The following SRRM4 variants were observed in gnomAD, a reference collection of about 807,000 sequenced individuals.
The protein encoded by SRRM4 is serine/arginine repetitive matrix protein 4.
Under a neutral mutation model 68.9 loss-of-function variants are expected in SRRM4, and 33 were observed. The observed-to-expected ratio is 0.48, with a 90% CI of 0.36 to 0.64. The LOEUF (loss-of-function observed/expected upper bound fraction) is 0.64. SRRM4 is among the 30% of genes least tolerant of loss of function. The pLI is 0.00. For synonymous variants in SRRM4, 318 were observed against 318.8 expected (o/e 1.00, Z 0.03); for missense variants, 817 against 827.1 (o/e 0.99, Z 0.15).
intron 1 of SRRM4, among the ~76,000 whole-genome samples, chr12:119,012,676 C>T (rs1163580250): frequency 1.3e-5 from 2 of 152,212 alleles, no homozygotes; most frequent in African/African-American, 2.4e-5. Flanking sequence ...ATTCTTCCTT[C>T]AGCCACATGT....
In SRRM4 at chr12:119,154,034, GC is replaced by G. The variant is rs11344766; in HGVS notation, c.1392-206del. On this transcript the variant is annotated intron_variant, in intron 11 of 12. Coordinates refer to ENST00000267260, the MANE Select transcript of SRRM4 (RefSeq NM_194286.4). The surrounding 1 kb of genome is among the most constrained non-coding windows in gnomAD (Gnocchi z 4.7). ...TGCAAATGCTGACACCCCTGCACAA[GC>G]CCAGCCCCCACCCCTACGGTACTAA... 0.034 allele frequency among the ~76,000 whole-genome samples: 5,035 copies of G among 149,988 alleles called. 162 individuals carry two copies. Among genetic ancestry groups the G allele is most frequent in the East Asian group, 0.075 (358 of 4,800 alleles).
intron 1 of SRRM4, among the ~76,000 whole-genome samples, chr12:119,059,787 G>T (rs984843813): frequency 5.9e-5 from 9 of 152,156 alleles, no homozygotes; most frequent in Non-Finnish European, 1.0e-4. Flanking sequence ...TTTCTACCAA[G>T]AAATTTTTAT....
chr12:119,061,541 C>A (rs1953812428), intron 1 of SRRM4, among the ~76,000 whole-genome samples: 1 of 152,130 alleles, frequency 6.6e-6, no homozygotes, highest in South Asian at 2.1e-4. Context: ...CTCACTTTTA[C>A]GGAATGCGTG....
At chr12:119,079,765 C>A (rs757048938) in intron 1 of SRRM4, among the ~76,000 whole-genome samples, 5 of 152,134 alleles carry the variant, frequency 3.3e-5, no homozygotes, top group African/African-American at 7.2e-5. Flanking sequence ...TATGCCCGAT[C>A]CTTTCCACCC....
intron 1 of SRRM4, among the ~76,000 whole-genome samples, chr12:118,996,380 C>A (rs1953349724): frequency 1.3e-5 from 2 of 152,094 alleles, no homozygotes; most frequent in Admixed American, 1.3e-4. Context: ...CCCTTTTTCA[C>A]TTGTGCAAAA....
intron 1 of SRRM4, chr12:119,001,384 T>C (rs747665359): frequency 8.5e-5 from 13 of 152,238 alleles, no homozygotes; most frequent in African/African-American, 1.2e-4. Context: ...TCTCGTAGCA[T>C]GTCTGAGTGG....
chr12:119,002,208 C>T (rs1341920967), intron 1 of SRRM4, among the ~76,000 whole-genome samples: 1 of 150,740 alleles, frequency 6.6e-6, no homozygotes, highest in Non-Finnish European at 1.5e-5. Flanking sequence ...ATGCTGATTG[C>T]GAAAAGAAAA....
At chr12:119,048,408 C>CT (rs1953721005) in intron 1 of SRRM4, among the ~76,000 whole-genome samples, 1 of 152,154 alleles carries the variant, frequency 6.6e-6, no homozygotes, top group South Asian at 2.1e-4. Flanking sequence ...GGTGAAGGAG[C>CT]TAGATAACAC....
intron 1 of SRRM4, among the ~76,000 whole-genome samples, chr12:119,058,948 G>A (rs571422469): frequency 2.2e-4 from 34 of 152,202 alleles, no homozygotes; most frequent in Middle Eastern, 3.4e-3. Flanking sequence ...CACCCCACCC[G>A]CAGCAGAGCC....
intron 1 of SRRM4, among the ~76,000 whole-genome samples, chr12:119,039,237 A>G (rs1953649554): frequency 1.3e-5 from 2 of 152,198 alleles, no homozygotes; most frequent in Non-Finnish European, 2.9e-5. Flanking sequence ...GTGACGTTGC[A>G]GTCAGGGTTG....
intron 2 of SRRM4, among the ~76,000 whole-genome samples, chr12:119,113,524 G>A (rs1261413399): frequency 2.0e-5 from 3 of 152,214 alleles, no homozygotes; most frequent in Admixed American, 6.5e-5. Context: ...TGCTAGTTGT[G>A]TCACTGCTGA....
chr12:118,994,296 T>C (rs1231851705), intron 1 of SRRM4: 1 of 152,186 alleles, frequency 6.6e-6, no homozygotes, highest in Admixed American at 6.5e-5. Flanking sequence ...ACTCTCAAAC[T>C]GTCCCCACGT....
chr12:119,123,451 G>A (rs1170131516), intron 6 of SRRM4, among the ~76,000 whole-genome samples: 5 of 152,034 alleles, frequency 3.3e-5, no homozygotes, highest in African/African-American at 1.2e-4. Context: ...GGGCCCCAGG[G>A]TAGGCAGCCA....
In SRRM4 at chr12:119,019,954, C is replaced by T. The variant is rs372271041; in HGVS notation, c.131+37941C>T. ...CTCTGGACAGTTCCCCCCGCTCCCC[C>T]CCCCCCCAAAAAAAAATCACACACA... is the stretch of plus-strand genomic sequence containing the variant. On this transcript the variant is annotated intron_variant, in intron 1 of 12. Transcript: ENST00000267260. Among the ~76,000 whole-genome samples the T allele has an allele frequency of 2.7e-4, 20 of 74,162 alleles. 1 individual carries two copies. The highest frequency in any genetic ancestry group is 6.0e-4 in the African/African-American group (13 of 21,810). The allele number at this position is 74,162 out of a possible 152,430, so 48.7% of individuals were successfully genotyped here.
chr12:119,134,323 A>G (rs549232658), intron 8 of SRRM4, among the ~76,000 whole-genome samples: 1 of 150,134 alleles, frequency 6.7e-6, no homozygotes, highest in African/African-American at 2.5e-5. Context: ...TACCTCACAC[A>G]TGGTCCTTAT....
At chr12:119,150,874 T>C (rs1049538576) in intron 9 of SRRM4, 143 bp from the exon 10 acceptor site, 23 of 718,036 alleles carry the variant, frequency 3.2e-5, no homozygotes, top group Non-Finnish European at 9.5e-6. Flanking sequence ...CTGGGAAGTC[T>C]TTCCAGAGAG....
intron 1 of SRRM4, among the ~76,000 whole-genome samples, chr12:119,057,016 C>T (rs553803178): frequency 1.3e-5 from 2 of 152,194 alleles, no homozygotes; most frequent in South Asian, 4.1e-4. Flanking sequence ...AACATTACTC[C>T]CATTCAACAG....
intron 1 of SRRM4, among the ~76,000 whole-genome samples, chr12:119,039,847 G>GCCT (rs949856703): frequency 8.6e-5 from 13 of 150,656 alleles, no homozygotes; most frequent in Non-Finnish European, 1.8e-4. Flanking sequence ...AGACGTGGCT[G>GCCT]AAGAGAGAGA....
chr12:119,150,270 G>A (rs1954430068), intron 9 of SRRM4, among the ~76,000 whole-genome samples: 1 of 152,294 alleles, frequency 6.6e-6, no homozygotes, highest in South Asian at 2.1e-4. Context: ...TCAGGAGTTT[G>A]AGACCAGTCT....
Sources: allele counts gnomAD v4.1 joint callset (sites outside exome capture counted in the v4.1 genomes callset), GRCh38; gene constraint gnomAD v4.1.1; non-coding constraint Gnocchi (gnomAD v3.1); transcripts MANE v1.5; gene names NCBI Gene and HGNC (gene_info 2026-07-23, HGNC 2026-07-21).